The following PCSK5 variants were observed in gnomAD, a reference collection of about 807,000 sequenced individuals.
PCSK5 encodes proprotein convertase subtilisin/kexin type 5, also known as prohormone convertase 5.
In PCSK5, 129 loss-of-function variants were observed where a neutral mutation model predicts 233.2. The ratio of observed to expected loss-of-function variants is 0.55; its 90% confidence interval spans 0.48 to 0.64. PCSK5 has a LOEUF of 0.64. Ranked by LOEUF, PCSK5 falls within the 30% of genes least tolerant of loss-of-function variation. The probability of loss-of-function intolerance (pLI) is 0.00; values close to 1 mark genes in which losing one functional copy is unlikely to be tolerated. For missense variants in PCSK5, 2,076 were observed against 2,430.1 expected, an observed-to-expected ratio of 0.85 and a Z score of 3.06; for synonymous variants, 825 against 879.2, an observed-to-expected ratio of 0.94 and a Z score of 1.09.
rs146644337 is a variant in PCSK5 at position 75,946,613 on chromosome 9, G to A, written c.297+14130G>A. Among the ~76,000 whole-genome samples, 7 of 152,028 alleles carry A rather than the reference G, an allele frequency of 4.6e-5. No individual in the cohort carries two copies. The East Asian group carries it at 1.4e-3, about 29-fold the overall frequency. On this transcript the variant is annotated intron_variant, in intron 2 of 37. Coordinates refer to ENST00000674117, the MANE Select transcript of PCSK5 (RefSeq NM_001372043.1). ...TTACAATATTTCTTTTTTTGAGACA[G>A]AGTCTCACTCTGTCACCCAGACTGG...
At chr9:75,913,266 A>G (rs1822828868) in intron 1 of PCSK5, among the ~76,000 whole-genome samples, 1 of 152,170 alleles carries the variant, frequency 6.6e-6, no homozygotes, top group South Asian at 2.1e-4. Context: ...TCTTTTCATT[A>G]CCATCAAAGT....
chr9:75,911,430 T>C (rs1233333707), intron 1 of PCSK5, among the ~76,000 whole-genome samples: 1 of 152,058 alleles, frequency 6.6e-6, no homozygotes, highest in Non-Finnish European at 1.5e-5. Flanking sequence ...TCAACATTCA[T>C]TGCAAATATT....
intron 36 of PCSK5, among the ~76,000 whole-genome samples, chr9:76,352,712 G>A (rs562262164): frequency 2.8e-4 from 42 of 152,192 alleles, no homozygotes; most frequent in African/African-American, 9.9e-4. Context: ...TAGATAATAA[G>A]TAAATCTCCC....
intron 9 of PCSK5, among the ~76,000 whole-genome samples, chr9:76,122,778 C>G (rs1424325610): frequency 6.7e-6 from 1 of 150,272 alleles, no homozygotes; most frequent in Admixed American, 6.6e-5. Flanking sequence ...ACTAAATTAT[C>G]TGAACACTAC....
intron 10 of PCSK5, among the ~76,000 whole-genome samples, chr9:76,153,863 C>G (rs961131545): frequency 6.6e-6 from 1 of 152,176 alleles, no homozygotes; most frequent in Admixed American, 6.5e-5. Flanking sequence ...CATTTCACAG[C>G]CCCTGGAGAG....
intron 1 of PCSK5, among the ~76,000 whole-genome samples, chr9:75,892,526 T>TG (rs1825655999): frequency 1.3e-5 from 2 of 152,154 alleles, no homozygotes; most frequent in South Asian, 4.1e-4. Context: ...AGGCGCGCTT[T>TG]GGGGACTGCC....
intron 15 of PCSK5, among the ~76,000 whole-genome samples, chr9:76,180,011 T>TG (rs1823777984): frequency 1.3e-5 from 2 of 150,158 alleles, no homozygotes; most frequent in African/African-American, 2.4e-5. Context: ...TTCTTTTTTT[T>TG]TTTTTTAATT....
intron 1 of PCSK5, among the ~76,000 whole-genome samples, chr9:75,914,342 G>A (rs1025180452): frequency 6.6e-6 from 1 of 152,084 alleles, no homozygotes; most frequent in Non-Finnish European, 1.5e-5. Context: ...GTCAGATTTG[G>A]TTGTTACTTA....
intron 25 of PCSK5, among the ~76,000 whole-genome samples, chr9:76,292,746 A>C (rs10115184): frequency 0.021 from 3,234 of 152,274 alleles, 114 homozygotes; most frequent in African/African-American, 0.074. Flanking sequence ...ATCACTCCCA[A>C]TGTACTCTAA....
chr9:76,029,511 G>C (rs1391807594), intron 5 of PCSK5, among the ~76,000 whole-genome samples: 1 of 152,092 alleles, frequency 6.6e-6, no homozygotes, highest in African/African-American at 2.4e-5. Context: ...ATAAACTTTA[G>C]TTTTATTATA....
At chr9:76,290,446 A>G (rs889772966) in intron 24 of PCSK5, among the ~76,000 whole-genome samples, 2 of 152,306 alleles carry the variant, frequency 1.3e-5, no homozygotes, top group Middle Eastern at 3.4e-3. Flanking sequence ...TGACCCAGAC[A>G]TTAAAAACCA....
intron 8 of PCSK5, among the ~76,000 whole-genome samples, chr9:76,102,996 T>C (rs1297355759): frequency 6.6e-6 from 1 of 152,202 alleles, no homozygotes; most frequent in Non-Finnish European, 1.5e-5. Flanking sequence ...AGCAAAATCT[T>C]CTATTTGTAC....
chr9:76,091,320 A>T (rs1587614585), intron 7 of PCSK5, among the ~76,000 whole-genome samples: 1 of 87,922 alleles, frequency 1.1e-5, no homozygotes, highest in Non-Finnish European at 3.1e-5. Context: ...TCTGAGAGAG[A>T]GAGAGAGAGA....
chr9:75,935,010 A>T (rs2131288847), intron 2 of PCSK5, among the ~76,000 whole-genome samples: 1 of 152,240 alleles, frequency 6.6e-6, no homozygotes, highest in African/African-American at 2.4e-5. Flanking sequence ...AATGTTTTAC[A>T]TTTTACCACA....
At chr9:75,994,721 C>T (rs1826938108) in intron 3 of PCSK5, among the ~76,000 whole-genome samples, 1 of 152,048 alleles carries the variant, frequency 6.6e-6, no homozygotes, top group Admixed American at 6.6e-5. Context: ...TGCGCCCGGC[C>T]CCACCTCCCA....
At chr9:76,334,963 A>C (rs1460880802) in intron 34 of PCSK5, among the ~76,000 whole-genome samples, 2 of 152,172 alleles carry the variant, frequency 1.3e-5, no homozygotes, top group African/African-American at 2.4e-5. Flanking sequence ...CTGTGATCCC[A>C]GCTACTGGGG....
chr9:76,274,461 A>T (rs1360378160), intron 24 of PCSK5, among the ~76,000 whole-genome samples: 1 of 152,026 alleles, frequency 6.6e-6, no homozygotes, highest in African/African-American at 2.4e-5. Flanking sequence ...TGATTTCCTT[A>T]TGTGGTCTAT....
intron 2 of PCSK5, among the ~76,000 whole-genome samples, chr9:75,960,699 T>A (rs1347693556): frequency 1.3e-5 from 2 of 152,202 alleles, no homozygotes; most frequent in African/African-American, 4.8e-5. Flanking sequence ...GAGCATCGGC[T>A]CTCCTTCGTG....
chr9:75,916,580 A>G (rs562076933), intron 1 of PCSK5, among the ~76,000 whole-genome samples: 24 of 152,202 alleles, frequency 1.6e-4, no homozygotes, highest in Middle Eastern at 3.4e-3. Context: ...AAAAAACGAG[A>G]AGGAAGTAAG....
Sources: gnomAD v4.1 joint callset for allele counts (sites outside exome capture counted in the v4.1 genomes callset) on GRCh38, gnomAD v4.1.1 for gene constraint, MANE v1.5 for transcripts, NCBI Gene and HGNC (gene_info 2026-07-23, HGNC 2026-07-21) for gene names.